Variants in COL4A2 observed in about 807,000 individuals in gnomAD.
COL4A2 encodes the protein collagen alpha-2(IV) chain.
Under a neutral mutation model 200.2 loss-of-function variants are expected in COL4A2, and 99 were observed. The ratio of observed to expected loss-of-function variants is 0.49; its 90% confidence interval spans 0.42 to 0.58. The LOEUF (loss-of-function observed/expected upper bound fraction) is 0.58. COL4A2 is among the 20% of genes least tolerant of loss of function. The probability of loss-of-function intolerance (pLI) is 0.00; values close to 1 mark genes in which losing one functional copy is unlikely to be tolerated. For synonymous variants in COL4A2, 897 were observed against 900.6 expected, an observed-to-expected ratio of 1.00 and a Z score of 0.07; for missense variants, 1,950 against 2,314.1, an observed-to-expected ratio of 0.84 and a Z score of 3.23.
intron 31 of COL4A2, 76 bp from the exon 32 acceptor site, chr13:110,482,440 T>C (rs1566560068): frequency 4.7e-6 from 7 of 1,488,774 alleles, no homozygotes; most frequent in South Asian, 1.2e-5. Flanking sequence ...GCCGAAATGT[T>C]ACGGAGACGT....
rs1884112569 is a variant in COL4A2, at chr13:110,512,271, A to T, written c.*80A>T. 2.1e-6 allele frequency: 3 copies of T among 1,429,118 alleles called. No individual in the cohort carries two copies. The highest frequency in any genetic ancestry group is 6.3e-5 in the Admixed American group (2 of 31,518). 88.5% of individuals were successfully genotyped at this position (1,429,118 alleles called of 1,614,324 possible). On this transcript the variant is annotated 3_prime_UTR_variant, in exon 48 of 48. Coordinates refer to ENST00000360467, the MANE Select transcript of COL4A2 (RefSeq NM_001846.4). The stretch of plus-strand genomic sequence containing the variant: ...AGGTGCCAACCCAAAAATTGGTTTT[A>T]TTTTTTTCTTAAAAAAAAAAAAGTC...
chr13:110,467,175 T>A, intron 27 of COL4A2, 79 bp downstream of exon 27: 1 of 1,578,928 alleles, frequency 6.3e-7, no homozygotes, highest in Non-Finnish European at 8.6e-7. Flanking sequence ...CCGCCCATCT[T>A]TCCTCTGGTC....
intron 3 of COL4A2, among the ~76,000 whole-genome samples, chr13:110,319,560 A>G (rs992404647): frequency 1.3e-5 from 2 of 152,176 alleles, no homozygotes; most frequent in Admixed American, 1.3e-4. Context: ...TTAGCATGGA[A>G]AGGCCTCCCA....
intron 38 of COL4A2, among the ~76,000 whole-genome samples, chr13:110,492,980 T>C (rs1459603443): frequency 6.6e-6 from 1 of 152,188 alleles, no homozygotes; most frequent in Non-Finnish European, 1.5e-5. Context: ...CTGAGTTATC[T>C]TGAGGGTTTC....
chr13:110,462,733 C>A (rs9559805), intron 24 of COL4A2, among the ~76,000 whole-genome samples: 71,727 of 151,974 alleles, frequency 0.47, 17,589 homozygotes, highest in Middle Eastern at 0.57. Flanking sequence ...TATACAATTT[C>A]ATTTTTGCAA....
chr13:110,430,806 A>C, intron 10 of COL4A2, 199 bp downstream of exon 10: 2 of 853,176 alleles, frequency 2.3e-6, no homozygotes. Flanking sequence ...TAAGGGCTTA[A>C]AATTATGGTC....
intron 3 of COL4A2, among the ~76,000 whole-genome samples, chr13:110,343,444 A>G (rs1345199865): frequency 1.3e-5 from 2 of 152,200 alleles, no homozygotes; most frequent in South Asian, 2.1e-4. Context: ...GTGGGAAGGC[A>G]TAGGTACACG....
chr13:110,397,184 T>C (rs147976088), intron 4 of COL4A2, among the ~76,000 whole-genome samples: 6 of 152,336 alleles, frequency 3.9e-5, no homozygotes, highest in Non-Finnish European at 7.4e-5. Context: ...CCCATTGATA[T>C]TTGTCTGAAG....
chr13:110,485,060 A>G, intron 33 of COL4A2, 33 bp downstream of exon 33: 1 of 1,539,462 alleles, frequency 6.5e-7, no homozygotes, highest in Non-Finnish European at 8.8e-7. Context: ...AGGGGCCCCT[A>G]GTCCCTGCCG....
At chr13:110,322,755 G>A (rs1416722009) in intron 3 of COL4A2, among the ~76,000 whole-genome samples, 1 of 152,224 alleles carries the variant, frequency 6.6e-6, no homozygotes, top group Non-Finnish European at 1.5e-5. Context: ...CTAAGGGCTG[G>A]GAACTTGGTT....
At chr13:110,456,826 G>A (rs976315172) in intron 20 of COL4A2, 5 of 474,604 alleles carry the variant, frequency 1.1e-5, no homozygotes, top group East Asian at 6.6e-5. Context: ...CTGCGTCTGC[G>A]TGGAACCCCA....
chr13:110,511,511 T>A (rs1461356807), intron 47 of COL4A2, among the ~76,000 whole-genome samples: 2 of 152,264 alleles, frequency 1.3e-5, no homozygotes, highest in African/African-American at 4.8e-5. Flanking sequence ...ATCTTAATTT[T>A]ATTTTTTTCT....
rs190339270 is a variant in COL4A2, at chr13:110,349,045, C to T, written c.100-8427C>T. ...CATTTTTTTTCATTCGTCTACATGG[C>T]ATCCACTTTAAATGATACTCATGTC... On this transcript the variant is annotated intron_variant, in intron 3 of 47. Coordinates refer to ENST00000360467, the MANE Select transcript of COL4A2 (RefSeq NM_001846.4). Among the ~76,000 whole-genome samples the T allele has an allele frequency of 1.2e-4, 19 of 152,248 alleles. No individual in the cohort carries two copies. In the East Asian group the frequency reaches 3.3e-3, roughly 26 times the overall value.
In COL4A2 at chr13:110,445,881, A is replaced by C; in HGVS notation, c.1010A>C (p.Lys337Thr). The C allele has an allele frequency of 6.2e-7, 1 of 1,614,172 alleles. No individual in the cohort carries two copies. The highest frequency in any genetic ancestry group is 8.5e-7 in the Non-Finnish European group (1 of 1,180,024). ...YQGPDGPRGP[K>T]GEAGDPGPPG... is the part of the protein sequence containing the mutation. ...GGGCCTGATGGACCCCGGGGACCCA[A>C]GGTGAGCCCGTTTCTCATGTCTTTG... The change falls in exon 17 of 48, where the codon AAG becomes ACG. Residue 337 changes from lysine to threonine, a missense_variant and splice_region_variant. Lys to Thr is a moderately conservative substitution (Grantham distance 78, BLOSUM62 -1). This residue lies in a region of COL4A2 where 565 missense variants were observed against 593.5 expected (regional missense o/e 0.95). Coordinates refer to ENST00000360467, the MANE Select transcript of COL4A2 (RefSeq NM_001846.4).
At chr13:110,469,352 C>T (rs1373455470) in intron 28 of COL4A2, 28 bp downstream of exon 28, 1 of 1,552,272 alleles carries the variant, frequency 6.4e-7, no homozygotes, top group Non-Finnish European at 8.7e-7. Context: ...CCCCATTCAG[C>T]CCCTGGGTTC....
intron 3 of COL4A2, among the ~76,000 whole-genome samples, chr13:110,310,740 T>C (rs4773147): frequency 0.47 from 70,780 of 152,120 alleles, 17,681 homozygotes; most frequent in Non-Finnish European, 0.57. Context: ...TTGTTTTGTT[T>C]CGGAAGCAGC....
At chr13:110,489,884 G>A in intron 36 of COL4A2, 99 bp downstream of exon 36, 1 of 1,288,754 alleles carries the variant, frequency 7.8e-7, no homozygotes. Context: ...GTAACAACCA[G>A]AAAGCACTTG....
chr13:110,361,530 C>T (rs1351883573), intron 4 of COL4A2, among the ~76,000 whole-genome samples: 1 of 152,218 alleles, frequency 6.6e-6, no homozygotes, highest in East Asian at 1.9e-4. Context: ...TTCATCTGTG[C>T]GTCACCATGG....
In COL4A2 at chr13:110,449,559, A is replaced by G. The variant is rs1382373967; in HGVS notation, c.1079-120A>G. 5 of 919,498 alleles carry G rather than the reference A, an allele frequency of 5.4e-6. No homozygotes were observed. In the East Asian group the frequency reaches 1.4e-4, roughly 26 times the overall value. 57.0% of individuals were successfully genotyped at this position (919,498 alleles called of 1,614,324 possible). A position where few individuals can be genotyped will look rare whatever the true frequency, so the allele number is the denominator to read the frequency against. ...CATGTATTAATCATCTTAACTCCTC[A>G]TCAGGCCGCATACAGCATATGGAGC... On this transcript the variant is annotated intron_variant, in intron 18 of 47. Coordinates refer to ENST00000360467, the MANE Select transcript of COL4A2 (RefSeq NM_001846.4).
Sources: gnomAD v4.1 joint callset for allele counts (sites outside exome capture counted in the v4.1 genomes callset) on GRCh38, gnomAD v4.1.1 for gene constraint, gnomAD v4.1.1 regional missense constraint, MANE v1.5 for transcripts, NCBI Gene and HGNC (gene_info 2026-07-23, HGNC 2026-07-21) for gene names.